RASA2: variants seen among roughly 807,000 people sequenced by gnomAD.
RASA2 encodes the protein RAS p21 protein activator 2, also known as ras GTPase-activating protein 2.
In RASA2, 155 loss-of-function variants were observed where a neutral mutation model predicts 118.2. The observed-to-expected ratio is 1.31, with a 90% CI of 1.15 to 1.50. The LOEUF (loss-of-function observed/expected upper bound fraction) is 1.50. Among genes scored for constraint, RASA2 ranks in the 40% most tolerant of loss-of-function variants. RASA2 has a pLI of 0.00. For missense variants in RASA2, 1,016 were observed against 1,009.6 expected (o/e 1.01, Z -0.09); for synonymous variants, 353 against 349.1 (o/e 1.01, Z -0.12).
At chr3:141,539,150 C>G (rs954402181) in intron 4 of RASA2, among the ~76,000 whole-genome samples, 11 of 152,130 alleles carry the variant, frequency 7.2e-5, no homozygotes, top group African/African-American at 2.4e-4. Flanking sequence ...AATTACAGAT[C>G]ATGGACCTTC....
chr3:141,570,963 C>CCT lies in RASA2; in HGVS notation c.916_917dup (p.Gly307TrpfsTer6). 1 of 1,612,162 alleles carries CCT rather than the reference C, an allele frequency of 6.2e-7. No individual in the cohort carries two copies. The highest frequency in any genetic ancestry group is 1.1e-5 in the South Asian group (1 of 90,806). On this transcript the variant is annotated frameshift_variant, in exon 10 of 24. Transcript: ENST00000286364. LOFTEE classifies it high-confidence loss of function. ...GAAACAAGTCATCCAAAACTGATGA[C>CCT]CTGGGGTCTCTTCGATTAAATATAT...
intron 1 of RASA2, among the ~76,000 whole-genome samples, chr3:141,510,671 G>T (rs951340607): frequency 6.6e-6 from 1 of 152,220 alleles, no homozygotes; most frequent in Non-Finnish European, 1.5e-5. Context: ...GAGACTGAAT[G>T]ATAAGGCACT....
At chr3:141,515,358 A>G (rs2082007582) in intron 2 of RASA2, among the ~76,000 whole-genome samples, 3 of 152,156 alleles carry the variant, frequency 2.0e-5, no homozygotes, top group African/African-American at 2.4e-5. Flanking sequence ...GATGGTATGA[A>G]TGACACTATC....
intron 11 of RASA2, among the ~76,000 whole-genome samples, chr3:141,571,944 C>CT (rs1044067642): frequency 6.6e-6 from 1 of 150,730 alleles, no homozygotes; most frequent in African/African-American, 2.4e-5. Flanking sequence ...ACGTCATAGT[C>CT]TAACACTGTT....
intron 19 of RASA2, among the ~76,000 whole-genome samples, chr3:141,606,979 G>A (rs1055516752): frequency 6.6e-6 from 1 of 152,108 alleles, no homozygotes; most frequent in South Asian, 2.1e-4. Flanking sequence ...TTTATTCTCA[G>A]GTAAATCGTT....
chr3:141,494,676 A>G (rs938095260), intron 1 of RASA2, among the ~76,000 whole-genome samples: 2 of 152,080 alleles, frequency 1.3e-5, no homozygotes, highest in African/African-American at 2.4e-5. Flanking sequence ...CCTAATTTTT[A>G]AATTTTAAAT....
Position 141,609,681 on chromosome 3 carries a change from A to G in RASA2, c.2329+158A>G, listed in dbSNP as rs535587711. Among the ~76,000 whole-genome samples, 107 of 152,338 alleles carry G rather than the reference A, an allele frequency of 7.0e-4. 1 individual carries two copies. The highest frequency in any genetic ancestry group is 1.4e-3 in the Non-Finnish European group (97 of 68,026). On this transcript the variant is annotated intron_variant, in intron 22 of 23. Coordinates refer to ENST00000286364, the MANE Select transcript of RASA2 (RefSeq NM_006506.5). ...CCACAGAGAGGCATTTTTCATTGAC[A>G]TTCATGAAGTAAAAATACTGTTTTT... is the stretch of plus-strand genomic sequence containing the variant.
chr3:141,510,059 G>GT (rs1221301170), intron 1 of RASA2, among the ~76,000 whole-genome samples: 1 of 152,038 alleles, frequency 6.6e-6, no homozygotes, highest in Non-Finnish European at 1.5e-5. Context: ...TGTTTACTGA[G>GT]TTTTTTTATA....
intron 5 of RASA2, among the ~76,000 whole-genome samples, chr3:141,544,375 G>A (rs113688611): frequency 4.6e-5 from 7 of 152,076 alleles, no homozygotes; most frequent in African/African-American, 7.2e-5. Flanking sequence ...CTTTCAGAAC[G>A]CCAGTGGCAC....
intron 19 of RASA2, among the ~76,000 whole-genome samples, chr3:141,596,199 G>A (rs2083364881): frequency 1.3e-5 from 2 of 152,072 alleles, no homozygotes; most frequent in South Asian, 4.1e-4. Context: ...CAGAATTAAT[G>A]ACAATATGAT....
At chr3:141,487,556 C>G (rs2081593395) in intron 1 of RASA2, among the ~76,000 whole-genome samples, 1 of 151,972 alleles carries the variant, frequency 6.6e-6, no homozygotes, top group African/African-American at 2.4e-5. Flanking sequence ...GGGGCGCGGT[C>G]CGGGGGCGTG....
intron 3 of RASA2, among the ~76,000 whole-genome samples, chr3:141,526,496 G>A (rs558610422): frequency 4.9e-4 from 74 of 151,176 alleles, no homozygotes; most frequent in Non-Finnish European, 8.5e-4. Flanking sequence ...TATTCCCTTG[G>A]GCTGATGATG....
At chr3:141,521,699 C>A (rs1359487907) in intron 3 of RASA2, among the ~76,000 whole-genome samples, 1 of 152,012 alleles carries the variant, frequency 6.6e-6, no homozygotes, top group African/African-American at 2.4e-5. Context: ...GGTGTGATAA[C>A]TTTTTCTTAA....
At chr3:141,552,735 A>G (rs1023886938) in intron 5 of RASA2, among the ~76,000 whole-genome samples, 9 of 152,194 alleles carry the variant, frequency 5.9e-5, no homozygotes, top group African/African-American at 2.2e-4. Context: ...TATAATAGAA[A>G]TGAGTCGTAT....
rs556558642 is a variant in RASA2, at chr3:141,600,427, C to G, written c.1934-7251C>G. ...TGAGCCTCCAGGCGGACCTGCAGCC[C>G]CCGACCACATTCTAATAAGGAGCAG... On this transcript the variant is annotated intron_variant, in intron 19 of 23. Coordinates refer to ENST00000286364, the MANE Select transcript of RASA2 (RefSeq NM_006506.5). 3 of 431,670 alleles carry G rather than the reference C, an allele frequency of 6.9e-6. No individual in the cohort carries two copies. In the East Asian group the frequency reaches 2.1e-4, roughly 31 times the overall value. 26.7% of individuals were successfully genotyped at this position (431,670 alleles called of 1,614,324 possible). A position where few individuals can be genotyped will look rare whatever the true frequency, so the allele number is the denominator to read the frequency against.
chr3:141,576,067 G>A (rs1055941087), intron 14 of RASA2, among the ~76,000 whole-genome samples: 4 of 152,178 alleles, frequency 2.6e-5, no homozygotes, highest in East Asian at 1.9e-4. Context: ...GTGGGCCACC[G>A]CGCCCGGCCA....
rs199572192 is a variant in RASA2, at chr3:141,529,795, A to T, written c.443A>T (p.Glu148Val). Reference sequence around the variant, plus strand: ...TTACAGCCTGTTGACTCCAATTCAGAGGTTCAGGTAAATATTAAGGCTTAT... The same window carrying T: ...TTACAGCCTGTTGACTCCAATTCAGTGGTTCAGGTAAATATTAAGGCTTAT... ...FSLQPVDSNS[E>V]VQGKVHLELK... is the part of the protein sequence containing the mutation. The change falls in exon 4 of 24, where the codon GAG becomes GTG. Residue 148 changes from glutamate to valine, a missense_variant. Around this residue, in one of 2 missense-constraint regions of RASA2, gnomAD observed 896 missense variants for 836.4 expected, o/e 1.07. Transcript: ENST00000286364. 6.3e-7 allele frequency: 1 copy of T among 1,599,722 alleles called. No individual in the cohort carries two copies. Among genetic ancestry groups the T allele is most frequent in the Admixed American group, 1.7e-5 (1 of 59,768 alleles).
At chr3:141,531,485 T>C (rs2082259547) in intron 4 of RASA2, among the ~76,000 whole-genome samples, 1 of 151,338 alleles carries the variant, frequency 6.6e-6, no homozygotes, top group African/African-American at 2.4e-5. Context: ...CATATATATG[T>C]ATATATATAC....
chr3:141,487,168 CA>C lies in RASA2; in HGVS notation c.86del (p.Gln29ArgfsTer31). 6.8e-7 allele frequency: 1 copy of C among 1,469,392 alleles called. No homozygotes were observed. The highest frequency in any genetic ancestry group is 9.1e-7 in the Non-Finnish European group (1 of 1,101,998). 91.0% of individuals were successfully genotyped at this position (1,469,392 alleles called of 1,614,324 possible). A position where few individuals can be genotyped will look rare whatever the true frequency, so the allele number is the denominator to read the frequency against. On this transcript the variant is annotated frameshift_variant, in exon 1 of 24. Transcript: ENST00000286364. LOFTEE classifies it high-confidence loss of function. The stretch of plus-strand genomic sequence containing the variant: ...GACTGCAGAGCCCGAGGCCGGGGAC[CA>C]GGACAGTCGCGAGGTTCGAGTGTTG... ...SATAEPEAGD[Q>X]DSREVRVLQS...
Sources: gnomAD v4.1 joint callset for allele counts (sites outside exome capture counted in the v4.1 genomes callset) on GRCh38, gnomAD v4.1.1 for gene constraint, gnomAD v4.1.1 regional missense constraint, MANE v1.5 for transcripts, NCBI Gene and HGNC (gene_info 2026-07-23, HGNC 2026-07-21) for gene names.